Variants in SCAI observed in about 807,000 individuals in gnomAD.
SCAI encodes suppressor of cancer cell invasion, also known as protein SCAI.
A neutral mutation model predicts 92.2 loss-of-function variants in SCAI; 24 were observed. That is an observed-to-expected ratio of 0.26 (90% CI 0.19 to 0.37). SCAI has a LOEUF of 0.37. Among genes scored for constraint, SCAI ranks in the 10% least tolerant of loss-of-function variants. SCAI has a pLI of 1.00. For missense variants in SCAI, 450 were observed against 736.2 expected (o/e 0.61, Z 4.50); for synonymous variants, 261 against 258.6 (o/e 1.01, Z -0.09).
At chr9:125,073,426 C>T (rs989347528) in intron 2 of SCAI, among the ~76,000 whole-genome samples, 13 of 152,110 alleles carry the variant, frequency 8.5e-5, no homozygotes, top group Non-Finnish European at 2.9e-5. Flanking sequence ...TTTTGAGGAA[C>T]TGCTATATTG....
At chr9:125,124,307 A>G (rs1196700033) in intron 2 of SCAI, among the ~76,000 whole-genome samples, 1 of 152,200 alleles carries the variant, frequency 6.6e-6, no homozygotes, top group Admixed American at 6.5e-5. Context: ...ATTTAAAAAG[A>G]TATTTATTAA....
intron 9 of SCAI, among the ~76,000 whole-genome samples, chr9:125,009,716 C>A (rs961319718): frequency 2.6e-5 from 4 of 151,732 alleles, no homozygotes; most frequent in African/African-American, 9.7e-5. Flanking sequence ...TGGCGAAACC[C>A]TGTCTCTACT....
intron 2 of SCAI, among the ~76,000 whole-genome samples, chr9:125,113,253 C>G (rs551661582): frequency 6.6e-6 from 1 of 152,292 alleles, no homozygotes; most frequent in East Asian, 1.9e-4. Flanking sequence ...AGCATGTACC[C>G]TTGATACAAT....
chr9:124,970,536 T>C (rs891456686), intron 17 of SCAI, among the ~76,000 whole-genome samples: 2 of 151,920 alleles, frequency 1.3e-5, no homozygotes, highest in African/African-American at 4.8e-5. Flanking sequence ...CTGGCCAATA[T>C]GGTGAAACCC....
chr9:125,022,378 CTCAT>C (rs1483126494), intron 6 of SCAI, among the ~76,000 whole-genome samples: 1 of 152,054 alleles, frequency 6.6e-6, no homozygotes, highest in Non-Finnish European at 1.5e-5. Context: ...TAGTAGCTGT[CTCAT>C]TATCTTTCTC....
At chr9:125,018,036 A>G (rs1832797799) in intron 9 of SCAI, among the ~76,000 whole-genome samples, 1 of 151,888 alleles carries the variant, frequency 6.6e-6, no homozygotes, top group African/African-American at 2.4e-5. Flanking sequence ...AAAAAACACC[A>G]ACTCCTCGCC....
chr9:124,998,330 G>A (rs970696203), intron 13 of SCAI, among the ~76,000 whole-genome samples: 2 of 151,884 alleles, frequency 1.3e-5, no homozygotes, highest in African/African-American at 2.4e-5. Flanking sequence ...GTGGCCACCT[G>A]TAATCCCAGC....
intron 11 of SCAI, 77 bp from the exon 12 acceptor site, chr9:125,002,120 T>G: frequency 9.9e-7 from 1 of 1,009,330 alleles, no homozygotes; most frequent in East Asian, 2.4e-5. Flanking sequence ...GTTCATGACA[T>G]CTTAAAGTTG....
At chr9:125,037,129 A>G (rs1833213293) in intron 3 of SCAI, among the ~76,000 whole-genome samples, 1 of 152,012 alleles carries the variant, frequency 6.6e-6, no homozygotes, top group Non-Finnish European at 1.5e-5. Context: ...ATTAGCCAGA[A>G]GTGGTGGCAG....
intron 2 of SCAI, among the ~76,000 whole-genome samples, chr9:125,068,048 T>C (rs1833906724): frequency 6.6e-6 from 1 of 152,210 alleles, no homozygotes; most frequent in Non-Finnish European, 1.5e-5. Flanking sequence ...TGCATTACAT[T>C]ATACCAGTAT....
chr9:125,061,408 T>C (rs562109424), intron 2 of SCAI, among the ~76,000 whole-genome samples: 46 of 152,284 alleles, frequency 3.0e-4, no homozygotes, highest in Non-Finnish European at 4.4e-5. Flanking sequence ...GTCTTATGAA[T>C]TGAAATGGAT....
chr9:125,019,085 A>AT, intron 8 of SCAI, 22 bp downstream of exon 8: 1 of 1,562,174 alleles, frequency 6.4e-7, no homozygotes, highest in Non-Finnish European at 8.8e-7. Flanking sequence ...AATAATTATG[A>AT]TTTTTCTTAT....
At chr9:125,050,898 G>A (rs1369610370) in intron 3 of SCAI, among the ~76,000 whole-genome samples, 1 of 151,820 alleles carries the variant, frequency 6.6e-6, no homozygotes, top group African/African-American at 2.4e-5. Flanking sequence ...ACAAAAAAAA[G>A]AAAACAATAC....
intron 3 of SCAI, among the ~76,000 whole-genome samples, chr9:125,053,723 C>T (rs959312786): frequency 6.6e-6 from 1 of 152,098 alleles, no homozygotes; most frequent in African/African-American, 2.4e-5. Context: ...TTAAAATGAT[C>T]TAAAATTAAA....
At chr9:125,027,093 T>A (rs1446759989) in intron 5 of SCAI, among the ~76,000 whole-genome samples, 183 bp from the exon 6 acceptor site, 1 of 152,100 alleles carries the variant, frequency 6.6e-6, no homozygotes, top group African/African-American at 2.4e-5. Flanking sequence ...AAAATAATAA[T>A]GAAATTTTTT....
intron 2 of SCAI, among the ~76,000 whole-genome samples, chr9:125,109,668 T>TCTAG (rs1834893122): frequency 6.6e-6 from 1 of 151,566 alleles, no homozygotes. Flanking sequence ...TATCTATCTA[T>TCTAG]CTATCTATCT....
chr9:124,959,325 A>G (rs1243378122), intron 17 of SCAI, among the ~76,000 whole-genome samples: 1 of 151,108 alleles, frequency 6.6e-6, no homozygotes, highest in African/African-American at 2.4e-5. Flanking sequence ...GAAATTTTAA[A>G]TACCCCTACA....
Position 125,127,805 on chromosome 9 carries a change from T to G in SCAI, c.98+14828A>C, listed in dbSNP as rs538910827. Among the ~76,000 whole-genome samples the G allele has an allele frequency of 2.1e-3, 315 of 152,044 alleles. 1 individual carries two copies. Among genetic ancestry groups the G allele is most frequent in the African/African-American group, 7.3e-3 (303 of 41,454 alleles). ...GGTGGATCAACTGAGGTCAGGAGTTTGAGACCAGCCTGGCCAACATGGCAA... is the reference window on the plus strand; with the variant it reads ...GGTGGATCAACTGAGGTCAGGAGTTGGAGACCAGCCTGGCCAACATGGCAA... On this transcript the variant is annotated intron_variant, in intron 2 of 17. Coordinates refer to ENST00000336505, the MANE Select transcript of SCAI (RefSeq NM_001144877.3).
rs192249395 is a variant in SCAI, at chr9:125,109,155, G to A, written c.98+33478C>T. ...GTGCTTTCTTAAACAGATGCTTGAA[G>A]GCAGCATGCTCGTTAAGAGTCATCA... On this transcript the variant is annotated intron_variant, in intron 2 of 17. Coordinates refer to ENST00000336505, the MANE Select transcript of SCAI (RefSeq NM_001144877.3). Among the ~76,000 whole-genome samples, 159 of 152,280 alleles carry A rather than the reference G, an allele frequency of 1.0e-3. 1 individual carries two copies. The East Asian group carries it at 0.029, about 28-fold the overall frequency.
Sources: gnomAD v4.1 joint callset for allele counts (sites outside exome capture counted in the v4.1 genomes callset) on GRCh38, gnomAD v4.1.1 for gene constraint, MANE v1.5 for transcripts, NCBI Gene and HGNC (gene_info 2026-07-23, HGNC 2026-07-21) for gene names.